CDADC1: variants seen among roughly 807,000 people sequenced by gnomAD.
The protein encoded by CDADC1 is cytidine and dCMP deaminase domain containing 1, also known as dCTP deaminase.
Under a neutral mutation model 54.9 loss-of-function variants are expected in CDADC1, and 39 were observed. The observed-to-expected ratio is 0.71, with a 90% CI of 0.55 to 0.93. The LOEUF (loss-of-function observed/expected upper bound fraction) is 0.93. Among genes scored for constraint, CDADC1 ranks in the 40% least tolerant of loss-of-function variants. CDADC1 has a pLI of 0.00. For synonymous variants in CDADC1, 186 were observed against 204.0 expected (o/e 0.91, Z 0.75); for missense variants, 518 against 618.8 (o/e 0.84, Z 1.73).
In CDADC1 at chr13:49,291,886, T is replaced by A. The variant is rs1191417013; in HGVS notation, c.*129T>A. 3 of 1,439,418 alleles carry A rather than the reference T, an allele frequency of 2.1e-6. No homozygotes were observed. The highest frequency in any genetic ancestry group is 2.7e-6 in the Non-Finnish European group (3 of 1,094,942). 89.2% of individuals were successfully genotyped at this position (1,439,418 alleles called of 1,614,324 possible). A position where few individuals can be genotyped will look rare whatever the true frequency, so the allele number is the denominator to read the frequency against. On this transcript the variant is annotated 3_prime_UTR_variant, in exon 10 of 10. Coordinates refer to ENST00000251108, the MANE Select transcript of CDADC1 (RefSeq NM_030911.4). Reference sequence around the variant, plus strand: ...GAAAAGATTTTTTAAGGAAGCTAATTTATTTCTAGGATACAAATGGTGTTA... The same window carrying A: ...GAAAAGATTTTTTAAGGAAGCTAATATATTTCTAGGATACAAATGGTGTTA...
chr13:49,279,527 A>T (rs1193635577), intron 7 of CDADC1, among the ~76,000 whole-genome samples: 2 of 152,230 alleles, frequency 1.3e-5, no homozygotes. Flanking sequence ...AAGACAGCTC[A>T]CAAGGACAGG....
chr13:49,248,442 C>G, intron 1 of CDADC1: 1 of 365,404 alleles, frequency 2.7e-6, no homozygotes, highest in Non-Finnish European at 5.0e-6. Flanking sequence ...TGACGCTTTC[C>G]TGTATTTCGA....
chr13:49,285,164 CT>C (rs1040605244), intron 8 of CDADC1, among the ~76,000 whole-genome samples: 14 of 143,522 alleles, frequency 9.8e-5, no homozygotes, highest in East Asian at 2.1e-4. Context: ...TTTTTCTTTT[CT>C]TTTTTTTTTC....
chr13:49,291,174 T>TTG (rs1014624681), intron 9 of CDADC1, among the ~76,000 whole-genome samples: 1 of 150,864 alleles, frequency 6.6e-6, no homozygotes, highest in African/African-American at 2.4e-5. Context: ...TTTTTGGTTT[T>TTG]TTTTTTTTTT....
intron 4 of CDADC1, among the ~76,000 whole-genome samples, chr13:49,261,817 G>GGT (rs1443384829): frequency 6.6e-6 from 1 of 152,110 alleles, no homozygotes; most frequent in Non-Finnish European, 1.5e-5. Context: ...GGAGAGTGCA[G>GGT]GTAACTCATC....
chr13:49,271,407 CT>C (rs1952961603), intron 5 of CDADC1, among the ~76,000 whole-genome samples: 1 of 152,124 alleles, frequency 6.6e-6, no homozygotes, highest in South Asian at 2.1e-4. Flanking sequence ...TGCCTTCCTC[CT>C]GGGCCACAGT....
In CDADC1 at chr13:49,250,358, G is replaced by T. The variant is rs114974350; in HGVS notation, c.177+1393G>T. Reference sequence around the variant, plus strand: ...AAACATGGTCTTTATTTTCTAATGAGTAGAAACACTAGGCATTTAAACAAT... The same window carrying T: ...AAACATGGTCTTTATTTTCTAATGATTAGAAACACTAGGCATTTAAACAAT... On this transcript the variant is annotated intron_variant, in intron 2 of 9. Transcript: ENST00000251108. Among the ~76,000 whole-genome samples, 148 of 152,300 alleles carry T rather than the reference G, an allele frequency of 9.7e-4. 1 individual carries two copies. Among genetic ancestry groups the T allele is most frequent in the African/African-American group, 3.5e-3 (145 of 41,564 alleles).
chr13:49,268,788 T>G (rs569329257), intron 5 of CDADC1, among the ~76,000 whole-genome samples: 1 of 152,338 alleles, frequency 6.6e-6, no homozygotes, highest in East Asian at 1.9e-4. Context: ...AAATAACTAA[T>G]AGAATCAAGG....
At position 49,267,410 on chromosome 13, in the gene CDADC1, C is replaced by A; in HGVS notation, c.431-80C>A. 2.7e-6 allele frequency: 3 copies of A among 1,115,308 alleles called. No individual in the cohort carries two copies. The Admixed American group carries it at 6.7e-5, about 25-fold the overall frequency. 69.1% of individuals were successfully genotyped at this position (1,115,308 alleles called of 1,614,324 possible). ...TATATTGAGGGTTCTAGATATACTG[C>A]AATGATAGGGTGGATTTTATAATGA... On this transcript the variant is annotated intron_variant, in intron 4 of 9. Transcript: ENST00000251108.
chr13:49,289,712 C>T (rs1245473821), intron 9 of CDADC1, among the ~76,000 whole-genome samples: 1 of 152,026 alleles, frequency 6.6e-6, no homozygotes, highest in African/African-American at 2.4e-5. Context: ...ATTATGATAC[C>T]ATTTCTGTAT....
At chr13:49,286,137 T>C (rs1477568151) in intron 8 of CDADC1, 85 bp from the exon 9 acceptor site, 1 of 1,117,200 alleles carries the variant, frequency 9.0e-7, no homozygotes, top group Non-Finnish European at 1.3e-6. Flanking sequence ...TTTTAAGAAG[T>C]TGTTTTGATA....
At chr13:49,278,604 C>A in intron 7 of CDADC1, 85 bp downstream of exon 7, 1 of 1,047,828 alleles carries the variant, frequency 9.5e-7, no homozygotes. Context: ...TAATTTATTT[C>A]CTTTTTCAAA....
At chr13:49,280,915 A>G (rs1034035834) in intron 8 of CDADC1, among the ~76,000 whole-genome samples, 4 of 150,654 alleles carry the variant, frequency 2.7e-5, no homozygotes, top group Admixed American at 2.7e-4. Flanking sequence ...CTCACTGCAG[A>G]CTCCGCCTCC....
chr13:49,291,705 CA>C lies in CDADC1; in HGVS notation c.1494del (p.Gln499ArgfsTer44), dbSNP rs768267906. The C allele has an allele frequency of 1.9e-4, 314 of 1,613,922 alleles. No individual in the cohort carries two copies. Among genetic ancestry groups the C allele is most frequent in the Non-Finnish European group, 2.5e-4 (300 of 1,179,992 alleles). Reference protein sequence around the residue: ...RRENGVLRPVPQKEEQHQDKK... With the variant: ...RRENGVLRPVXQKEEQHQDKK... ...CTAGATGGTGTGTTGAGACCTGTCC[CA>C]CAGAAGGAAGAGCAGCACCAGGACA... On this transcript the variant is annotated frameshift_variant, in exon 10 of 10. Transcript: ENST00000251108. LOFTEE classifies it high-confidence loss of function.
intron 2 of CDADC1, among the ~76,000 whole-genome samples, chr13:49,253,023 T>C (rs1481258690): frequency 6.6e-6 from 1 of 152,226 alleles, no homozygotes; most frequent in African/African-American, 2.4e-5. Context: ...GTACAAACTT[T>C]TTCCAATTAA....
At chr13:49,249,027 G>A (rs1952361006) in intron 2 of CDADC1, 62 bp downstream of exon 2, 3 of 1,062,692 alleles carry the variant, frequency 2.8e-6, no homozygotes, top group Non-Finnish European at 4.4e-6. Context: ...TGAGTTTATT[G>A]CTCCAGTTTC....
chr13:49,276,045 G>T lies in CDADC1; in HGVS notation c.1050+1705G>T, dbSNP rs562011077. On this transcript the variant is annotated intron_variant, in intron 6 of 9. Transcript: ENST00000251108. ...GCCTCCCAAAGTGCTGGGATTACAG[G>T]TGTGAACCACTGCAACCAGCTGGAG... 1.8e-3 allele frequency among the ~76,000 whole-genome samples: 272 copies of T among 152,148 alleles called. 1 individual carries two copies. The highest frequency in any genetic ancestry group is 2.2e-3 in the Non-Finnish European group (151 of 68,014).
chr13:49,287,466 GTATCTATCTATCTATC>G (rs55902616), intron 9 of CDADC1, among the ~76,000 whole-genome samples: 139 of 146,034 alleles, frequency 9.5e-4, no homozygotes, highest in South Asian at 1.7e-3. Context: ...AAAAAAGGCT[GTATCTATCTATCTATC>G]TATCTATCTA....
intron 6 of CDADC1, 75 bp downstream of exon 6, chr13:49,274,415 A>G: frequency 8.4e-7 from 1 of 1,195,146 alleles, no homozygotes; most frequent in Non-Finnish European, 1.2e-6. Flanking sequence ...GGTGCATTAC[A>G]GGTTACTGAC....
Sources: gnomAD v4.1 joint callset for allele counts (sites outside exome capture counted in the v4.1 genomes callset) on GRCh38, gnomAD v4.1.1 for gene constraint, MANE v1.5 for transcripts, NCBI Gene and HGNC (gene_info 2026-07-23, HGNC 2026-07-21) for gene names.